DAO: variants seen among roughly 807,000 people sequenced by gnomAD.
DAO encodes D-amino acid oxidase, also known as D-amino-acid oxidase.
A neutral mutation model predicts 50.1 loss-of-function variants in DAO; 51 were observed. That is an observed-to-expected ratio of 1.02 (90% CI 0.81 to 1.29). DAO has a LOEUF of 1.29. Ranked by LOEUF, DAO falls within the 50% of genes most tolerant of loss-of-function variation. DAO has a pLI of 0.00. For synonymous variants in DAO, 160 were observed against 166.2 expected, an observed-to-expected ratio of 0.96 and a Z score of 0.29; for missense variants, 436 against 439.4, an observed-to-expected ratio of 0.99 and a Z score of 0.07.
At chr12:108,899,581 T>C (rs1479189767) in intron 10 of DAO, 106 bp downstream of exon 10, 18 of 982,406 alleles carry the variant, frequency 1.8e-5, no homozygotes, top group Middle Eastern at 2.6e-4. Flanking sequence ...ACAGGCTCCA[T>C]AGCAGGCAGG....
chr12:108,897,345 T>G lies in DAO; in HGVS notation c.695+257T>G, dbSNP rs950073833. Among the ~76,000 whole-genome samples, 12 of 152,264 alleles carry G rather than the reference T, an allele frequency of 7.9e-5. 1 individual carries two copies. Among genetic ancestry groups the G allele is most frequent in the Admixed American group, 7.8e-4 (12 of 15,304 alleles). ...AATTATCCTGCCTCAGCCTCCCAAGTAGCTGAGATTACAGGTGCCCACCAC... is the reference window on the plus strand; with the variant it reads ...AATTATCCTGCCTCAGCCTCCCAAGGAGCTGAGATTACAGGTGCCCACCAC... On this transcript the variant is annotated intron_variant, in intron 8 of 10. Coordinates refer to ENST00000228476, the MANE Select transcript of DAO (RefSeq NM_001917.5).
At chr12:108,893,776 GA>G (rs999668199) in intron 6 of DAO, among the ~76,000 whole-genome samples, 2 of 152,206 alleles carry the variant, frequency 1.3e-5, no homozygotes, top group African/African-American at 4.8e-5. Flanking sequence ...CTTGAGATGA[GA>G]TCATCTCATC....
In DAO at chr12:108,887,467, C is replaced by T. The variant is rs138277420; in HGVS notation, c.212C>T (p.Thr71Ile). 2.9e-5 allele frequency: 47 copies of T among 1,614,026 alleles called. 1 individual carries two copies. The South Asian group carries it at 4.2e-4, about 14-fold the overall frequency. Residue 71 changes from threonine (T) to isoleucine (I), a missense_variant, in exon 3 of 11, where the codon ACC becomes ATC. Transcript: ENST00000228476. ...NPQEADWSQQ[T>I]FDYLLSHVHS... ...CCTTCCAGGGACTGGAGCCAACAGACCTTTGACTATCTCCTGAGCCATGTC... is the reference window on the plus strand; with the variant it reads ...CCTTCCAGGGACTGGAGCCAACAGATCTTTGACTATCTCCTGAGCCATGTC...
At chr12:108,881,124 G>A (rs2039372864) in intron 1 of DAO, among the ~76,000 whole-genome samples, 1 of 149,364 alleles carries the variant, frequency 6.7e-6, no homozygotes, top group Non-Finnish European at 1.5e-5. Context: ...AAAATACATT[G>A]GTTCCCTTCC....
chr12:108,895,272 TG>T (rs2039535888), intron 7 of DAO, among the ~76,000 whole-genome samples: 1 of 150,822 alleles, frequency 6.6e-6, no homozygotes, highest in African/African-American at 2.4e-5. Flanking sequence ...CATGTATGTG[TG>T]TGTGTGTATG....
At position 108,900,442 on chromosome 12, in the gene DAO, C is replaced by T; in HGVS notation, c.951C>T (p.Thr317=). 1 of 1,614,160 alleles carries T rather than the reference C, an allele frequency of 6.2e-7. No homozygotes were observed. ...HNYGHGGYGL[T]IHWGCALEAA... Reference sequence around the variant, plus strand: ...ATGGCCATGGAGGCTACGGGCTCACCATCCACTGGGGATGTGCCCTGGAGG... The same window carrying T: ...ATGGCCATGGAGGCTACGGGCTCACTATCCACTGGGGATGTGCCCTGGAGG... Residue 317 remains threonine, a synonymous_variant, in exon 11 of 11, where the codon ACC becomes ACT. Coordinates refer to ENST00000228476, the MANE Select transcript of DAO (RefSeq NM_001917.5).
At chr12:108,897,159 C>A (rs569298712) in intron 8 of DAO, 71 bp downstream of exon 8, 2 of 1,047,606 alleles carry the variant, frequency 1.9e-6, no homozygotes, top group Admixed American at 1.7e-5. Context: ...GCTGCCTCCC[C>A]CAAGCTCCTT....
At chr12:108,894,224 C>T (rs187944229) in intron 6 of DAO, 39 bp from the exon 7 acceptor site, 2 of 1,506,440 alleles carry the variant, frequency 1.3e-6, no homozygotes, top group African/African-American at 2.7e-5. Flanking sequence ...AGGGTCTTCC[C>T]CACCTTTCAT....
chr12:108,887,458 G>A lies in DAO; in HGVS notation c.203G>A (p.Ser68Asn), dbSNP rs1270406107. The A allele has an allele frequency of 6.2e-7, 1 of 1,613,732 alleles. No homozygotes were observed. Residue 68 changes from serine (S) to asparagine (N), a missense_variant, in exon 3 of 11, where the codon AGC becomes AAC. Transcript: ENST00000228476. ...DPNNPQEADW[S>N]QQTFDYLLSH... ...CTTCATGACCCTTCCAGGGACTGGAGCCAACAGACCTTTGACTATCTCCTG... is the reference window on the plus strand; with the variant it reads ...CTTCATGACCCTTCCAGGGACTGGAACCAACAGACCTTTGACTATCTCCTG...
chr12:108,887,318 T>G (rs112156284), intron 2 of DAO, 132 bp from the exon 3 acceptor site: 4 of 769,978 alleles, frequency 5.2e-6, no homozygotes, highest in Non-Finnish European at 9.6e-6. Flanking sequence ...GTTGCAGGAG[T>G]GAACGTGGTG....
At chr12:108,890,501 T>G (rs977623477) in intron 5 of DAO, among the ~76,000 whole-genome samples, 1 of 152,242 alleles carries the variant, frequency 6.6e-6, no homozygotes, top group Non-Finnish European at 1.5e-5. Context: ...ACACATGATG[T>G]CCATTAACAA....
At chr12:108,896,894 T>C in intron 7 of DAO, 112 bp from the exon 8 acceptor site, 1 of 813,326 alleles carries the variant, frequency 1.2e-6, no homozygotes, top group Admixed American at 1.8e-5. Context: ...TGAGAGGTCT[T>C]ATAAGGAATC....
chr12:108,887,616 T>C, intron 3 of DAO, 52 bp downstream of exon 3: 1 of 1,310,448 alleles, frequency 7.6e-7, no homozygotes, highest in South Asian at 1.2e-5. Flanking sequence ...GCTGGGGTAG[T>C]GAGGGTGGGT....
chr12:108,896,327 G>A (rs975115242), intron 7 of DAO, among the ~76,000 whole-genome samples: 7 of 147,938 alleles, frequency 4.7e-5, no homozygotes, highest in African/African-American at 1.5e-4. Context: ...GGAGGCTGAC[G>A]CAGGAGAATC....
Position 108,885,207 on chromosome 12 carries a change from G to GA in DAO, c.194+8dup, listed in dbSNP as rs748052378. On this transcript the variant is annotated splice_region_variant and intron_variant, in intron 2 of 10. Transcript: ENST00000228476. ...CCAACAACCCACAGGAGGCGTGAGTGAGGGTCACATAGGGTAGCCTGGGGT... is the reference window on the plus strand; with the variant it reads ...CCAACAACCCACAGGAGGCGTGAGTGAAGGGTCACATAGGGTAGCCTGGGGT... The GA allele has an allele frequency of 6.2e-7, 1 of 1,611,244 alleles. No individual in the cohort carries two copies. The highest frequency in any genetic ancestry group is 1.1e-5 in the South Asian group (1 of 91,072).
chr12:108,893,234 C>T (rs1219256852), intron 6 of DAO, among the ~76,000 whole-genome samples, 198 bp downstream of exon 6: 1 of 152,156 alleles, frequency 6.6e-6, no homozygotes, highest in African/African-American at 2.4e-5. Context: ...CAAAGGAACA[C>T]TGGGATCATG....
intron 5 of DAO, among the ~76,000 whole-genome samples, chr12:108,891,700 G>C (rs12811324): frequency 1.3e-5 from 2 of 151,658 alleles, no homozygotes; most frequent in African/African-American, 4.8e-5. Context: ...CTGGGCTCAA[G>C]TGATGCTCCC....
chr12:108,899,275 G>A, intron 9 of DAO, 102 bp from the exon 10 acceptor site: 1 of 753,602 alleles, frequency 1.3e-6, no homozygotes, highest in Non-Finnish European at 2.4e-6. Context: ...GATTATATTA[G>A]TGGTGGTGGT....
chr12:108,893,571 TATGTC>T (rs2039514519), intron 6 of DAO, among the ~76,000 whole-genome samples: 1 of 152,220 alleles, frequency 6.6e-6, no homozygotes, highest in African/African-American at 2.4e-5. Context: ...CTACTAGTGC[TATGTC>T]ATGAAGACTA....
Sources: gnomAD v4.1 joint callset for allele counts (sites outside exome capture counted in the v4.1 genomes callset) on GRCh38, gnomAD v4.1.1 for gene constraint, MANE v1.5 for transcripts, NCBI Gene and HGNC (gene_info 2026-07-23, HGNC 2026-07-21) for gene names.